Variants in GRIK2 observed in about 807,000 individuals in gnomAD.
The protein encoded by GRIK2 is glutamate ionotropic receptor kainate type subunit 2.
In GRIK2, 32 loss-of-function variants were observed where a neutral mutation model predicts 100.3. The observed-to-expected ratio is 0.32, with a 90% CI of 0.24 to 0.43. The LOEUF is 0.43. GRIK2 is among the 20% of genes least tolerant of loss of function. The probability of loss-of-function intolerance (pLI) is 1.00; values close to 1 mark genes in which losing one functional copy is unlikely to be tolerated. For synonymous variants in GRIK2, 417 were observed against 389.4 expected, an observed-to-expected ratio of 1.07 and a Z score of -0.83; for missense variants, 843 against 1,114.9, an observed-to-expected ratio of 0.76 and a Z score of 3.47.
intron 4 of GRIK2, among the ~76,000 whole-genome samples, chr6:101,652,313 G>C (rs1781838612): frequency 6.6e-6 from 1 of 152,110 alleles, no homozygotes; most frequent in Non-Finnish European, 1.5e-5. Flanking sequence ...AGGCCAGAGA[G>C]CTAGCTCACT....
intron 14 of GRIK2, among the ~76,000 whole-genome samples, chr6:101,949,328 A>C (rs1791470700): frequency 6.6e-6 from 1 of 151,898 alleles, no homozygotes; most frequent in Non-Finnish European, 1.5e-5. Flanking sequence ...TAATTTACAC[A>C]CTCAGGTTTC....
chr6:101,919,100 CATATT>C lies in GRIK2; in HGVS notation c.1749-5495_1749-5491del, dbSNP rs549580023. 4.8e-3 allele frequency among the ~76,000 whole-genome samples: 723 copies of C among 151,746 alleles called. 7 individuals are homozygous for C. Among genetic ancestry groups the C allele is most frequent in the African/African-American group, 0.017 (693 of 41,468 alleles). On this transcript the variant is annotated intron_variant, in intron 12 of 16. Coordinates refer to ENST00000369134, the MANE Select transcript of GRIK2 (RefSeq NM_021956.5). ...TTGAATAAAGTTAAAAATATTGAGT[CATATT>C]ATATTGAGCCTTGAAATTCAGAGAC...
chr6:101,426,231 C>T (rs761645489), intron 2 of GRIK2, among the ~76,000 whole-genome samples: 4 of 152,120 alleles, frequency 2.6e-5, no homozygotes, highest in Non-Finnish European at 4.4e-5. Flanking sequence ...GTTATGTATG[C>T]ATTAGCTGTG....
rs545110507 is a variant in GRIK2, at chr6:101,695,730, A to G, written c.951+9377A>G. 3.9e-5 allele frequency among the ~76,000 whole-genome samples: 6 copies of G among 152,220 alleles called. No individual in the cohort carries two copies. The South Asian group carries it at 1.2e-3, about 32-fold the overall frequency. ...TGAAAATATCATAAGTCAGAAATGC[A>G]CTTAATACACCTAACCTACCTAACA... On this transcript the variant is annotated intron_variant, in intron 7 of 16. Transcript: ENST00000369134.
chr6:101,960,834 C>T (rs556570004), intron 14 of GRIK2, among the ~76,000 whole-genome samples: 3 of 152,066 alleles, frequency 2.0e-5, no homozygotes, highest in Non-Finnish European at 4.4e-5. Context: ...GTGGTAGTTA[C>T]GGGTAACAGC....
chr6:101,821,556 T>A (rs1320701838), intron 10 of GRIK2, among the ~76,000 whole-genome samples: 1 of 152,076 alleles, frequency 6.6e-6, no homozygotes, highest in African/African-American at 2.4e-5. Context: ...AATAAACAGG[T>A]TATTTATATT....
chr6:102,067,528 T>A (rs1478990889), intron 16 of GRIK2, among the ~76,000 whole-genome samples: 1 of 151,776 alleles, frequency 6.6e-6, no homozygotes, highest in South Asian at 2.1e-4. Flanking sequence ...TTGTTTCATA[T>A]ATATGACTCT....
chr6:101,640,853 GA>G (rs1480470595), intron 4 of GRIK2, among the ~76,000 whole-genome samples: 1 of 151,998 alleles, frequency 6.6e-6, no homozygotes, highest in Non-Finnish European at 1.5e-5. Flanking sequence ...TTCATATTTT[GA>G]AACAAATTGA....
At chr6:101,436,026 T>C (rs914308236) in intron 2 of GRIK2, among the ~76,000 whole-genome samples, 4 of 152,186 alleles carry the variant, frequency 2.6e-5, no homozygotes, top group Non-Finnish European at 5.9e-5. Context: ...TAAAAAGTTA[T>C]ATTCTTTATC....
chr6:101,790,713 G>A (rs199884672), intron 7 of GRIK2, among the ~76,000 whole-genome samples: 7 of 147,378 alleles, frequency 4.7e-5, no homozygotes, highest in South Asian at 2.2e-4. Context: ...AGGATGATGC[G>A]GGCCTCATAA....
chr6:101,996,534 G>A (rs972282339), intron 14 of GRIK2, among the ~76,000 whole-genome samples: 1 of 151,960 alleles, frequency 6.6e-6, no homozygotes, highest in African/African-American at 2.4e-5. Flanking sequence ...TGTGCACAAA[G>A]GTATTTTCAT....
chr6:101,947,503 G>T (rs565407917), intron 14 of GRIK2, among the ~76,000 whole-genome samples: 101 of 152,168 alleles, frequency 6.6e-4, no homozygotes, highest in Non-Finnish European at 1.1e-3. Flanking sequence ...TATTTTTTAA[G>T]GAGCATTATA....
chr6:101,799,924 G>A, intron 8 of GRIK2, 133 bp downstream of exon 8: 1 of 671,250 alleles, frequency 1.5e-6, no homozygotes, highest in Non-Finnish European at 2.5e-6. Flanking sequence ...CTCCAAATAA[G>A]CAAAATTAAC....
At chr6:101,796,535 C>T (rs1028443316) in intron 7 of GRIK2, among the ~76,000 whole-genome samples, 5 of 152,106 alleles carry the variant, frequency 3.3e-5, no homozygotes, top group Non-Finnish European at 7.4e-5. Context: ...TACATAATAT[C>T]ACCAAAACAA....
chr6:101,758,353 A>G lies in GRIK2; in HGVS notation c.952-41295A>G, dbSNP rs528081359. Reference sequence around the variant, plus strand: ...TTCAGTACTTATCTTGCTATAACTAAGCCAGAATGCATGATGTGGGGATTA... The same window carrying G: ...TTCAGTACTTATCTTGCTATAACTAGGCCAGAATGCATGATGTGGGGATTA... On this transcript the variant is annotated intron_variant, in intron 7 of 16. Coordinates refer to ENST00000369134, the MANE Select transcript of GRIK2 (RefSeq NM_021956.5). Among the ~76,000 whole-genome samples, 5 of 152,322 alleles carry G rather than the reference A, an allele frequency of 3.3e-5. No homozygotes were observed. In the East Asian group the frequency reaches 9.6e-4, roughly 29 times the overall value.
intron 14 of GRIK2, among the ~76,000 whole-genome samples, chr6:101,929,706 T>C (rs1381213076): frequency 6.6e-6 from 1 of 152,072 alleles, no homozygotes; most frequent in Non-Finnish European, 1.5e-5. Context: ...TTGTAAAAAT[T>C]TTTATAAAAT....
intron 7 of GRIK2, among the ~76,000 whole-genome samples, chr6:101,698,458 C>A (rs1450913033): frequency 6.6e-6 from 1 of 152,032 alleles, no homozygotes; most frequent in Non-Finnish European, 1.5e-5. Context: ...GTTGATCTTT[C>A]ATTTGCCTTT....
At chr6:101,715,400 A>G (rs1326683936) in intron 7 of GRIK2, among the ~76,000 whole-genome samples, 1 of 151,758 alleles carries the variant, frequency 6.6e-6, no homozygotes, top group Non-Finnish European at 1.5e-5. Flanking sequence ...GACTTGGAAG[A>G]TGAAGAGTTC....
chr6:101,870,537 C>T (rs933200330), intron 11 of GRIK2, among the ~76,000 whole-genome samples: 1 of 151,910 alleles, frequency 6.6e-6, no homozygotes, highest in Non-Finnish European at 1.5e-5. Flanking sequence ...TTTCATAGCA[C>T]TTGCCACAAT....
Sources: gnomAD v4.1 joint callset for allele counts (sites outside exome capture counted in the v4.1 genomes callset) on GRCh38, gnomAD v4.1.1 for gene constraint, MANE v1.5 for transcripts, NCBI Gene and HGNC (gene_info 2026-07-23, HGNC 2026-07-21) for gene names.